Variants in FRMPD1 observed in about 807,000 individuals in gnomAD.
FRMPD1 encodes FERM and PDZ domain containing 1, also known as FERM and PDZ domain-containing protein 1.
FRMPD1 carries 76 observed loss-of-function variants against 117.8 expected under a neutral mutation model. The ratio of observed to expected loss-of-function variants is 0.65; its 90% CI spans 0.54 to 0.78. The LOEUF (loss-of-function observed/expected upper bound fraction) is 0.78, where lower values mean the gene tolerates loss of function less well. FRMPD1 is among the 30% of genes least tolerant of loss of function. The pLI is 0.00. For missense variants in FRMPD1, 1,786 were observed against 1,964.5 expected, an observed-to-expected ratio of 0.91 and a Z score of 1.72; for synonymous variants, 783 against 770.4, an observed-to-expected ratio of 1.02 and a Z score of -0.27.
Position 37,733,469 on chromosome 9 carries a change from GC to G in FRMPD1, c.996-3del. The G allele has an allele frequency of 6.2e-7, 1 of 1,612,644 alleles. No individual in the cohort carries two copies. The highest frequency in any genetic ancestry group is 8.5e-7 in the Non-Finnish European group (1 of 1,179,466). On this transcript the variant is annotated splice_polypyrimidine_tract_variant and splice_region_variant and intron_variant, in intron 10 of 15. Coordinates refer to ENST00000377765, the MANE Select transcript of FRMPD1 (RefSeq NM_014907.3). The stretch of plus-strand genomic sequence containing the variant: ...GCCTCCTTGTCTCCAATGTCTCATG[GC>G]AGGAAAGACTGGGGAATAGAGAACT...
At chr9:37,636,196 C>T in the FRMPD1 span, among the ~76,000 whole-genome samples, 5 of 152,262 alleles carry the variant, frequency 3.3e-5, no homozygotes, top group South Asian at 1.0e-3. Flanking sequence ...CCCCTGTGGC[C>T]TCCATGGCTG....
At chr9:37,611,895 A>G in the FRMPD1 span, among the ~76,000 whole-genome samples, 1 of 152,196 alleles carries the variant, frequency 6.6e-6, no homozygotes, top group East Asian at 1.9e-4. Context: ...AGATCTGGTT[A>G]TAATGACATT....
intron 2 of FRMPD1, among the ~76,000 whole-genome samples, chr9:37,700,266 A>G (rs1822485687): frequency 6.6e-6 from 1 of 152,194 alleles, no homozygotes; most frequent in African/African-American, 2.4e-5. Context: ...CTGTAGGAGC[A>G]CTACCCTCAC....
At chr9:37,701,471 TTG>T (rs200016680) in intron 2 of FRMPD1, among the ~76,000 whole-genome samples, 94 of 123,604 alleles carry the variant, frequency 7.6e-4, no homozygotes, top group South Asian at 1.0e-3. Flanking sequence ...GTTGGGGAAA[TTG>T]TGTGTGTGTG....
At chr9:37,610,272 C>T in the FRMPD1 span, among the ~76,000 whole-genome samples, 1 of 152,176 alleles carries the variant, frequency 6.6e-6, no homozygotes, top group Non-Finnish European at 1.5e-5. Flanking sequence ...AGTCATTGGG[C>T]TATCCATCAC....
chr9:37,717,381 A>ATATAT (rs1335593457), intron 5 of FRMPD1, among the ~76,000 whole-genome samples: 11,253 of 113,860 alleles, frequency 0.099, 778 homozygotes, highest in Non-Finnish European at 0.15. Flanking sequence ...ATATATATAT[A>ATATAT]TTTTTTTTTT....
At chr9:37,735,073 A>G (rs1338965603) in intron 12 of FRMPD1, among the ~76,000 whole-genome samples, 2 of 152,250 alleles carry the variant, frequency 1.3e-5, no homozygotes, top group East Asian at 3.8e-4. Context: ...ATGAGACTTA[A>G]TACAAATAAT....
intron 1 of FRMPD1, among the ~76,000 whole-genome samples, chr9:37,679,249 T>C (rs1353203739): frequency 6.6e-6 from 1 of 152,226 alleles, no homozygotes. Flanking sequence ...TGGGGAACTG[T>C]AGTTTGCTTA....
At chr9:37,674,382 A>G (rs1821453112) in intron 1 of FRMPD1, among the ~76,000 whole-genome samples, 1 of 152,234 alleles carries the variant, frequency 6.6e-6, no homozygotes, top group African/African-American at 2.4e-5. Flanking sequence ...TATTGCTATC[A>G]GCATTTCAGT....
intron 1 of FRMPD1, among the ~76,000 whole-genome samples, chr9:37,685,514 T>C (rs968444106): frequency 1.5e-4 from 23 of 151,102 alleles, no homozygotes; most frequent in East Asian, 3.9e-4. Flanking sequence ...TAGCCGGGCG[T>C]GGTGGCGGGC....
chr9:37,713,522 C>T (rs556082269), intron 5 of FRMPD1, among the ~76,000 whole-genome samples: 4 of 151,754 alleles, frequency 2.6e-5, no homozygotes, highest in Admixed American at 1.3e-4. Flanking sequence ...CCCAGGAAGT[C>T]GAGGCTGCAG....
chr9:37,676,186 T>G (rs1821523035), intron 1 of FRMPD1, among the ~76,000 whole-genome samples: 1 of 151,656 alleles, frequency 6.6e-6, no homozygotes, highest in South Asian at 2.1e-4. Context: ...AAAGGCTTTT[T>G]CTGGAATGTT....
At chr9:37,665,811 C>T (rs1355172247) in intron 1 of FRMPD1, among the ~76,000 whole-genome samples, 2 of 152,156 alleles carry the variant, frequency 1.3e-5, no homozygotes, top group African/African-American at 4.8e-5. Context: ...GAAACCACTC[C>T]TGCCTTATGG....
chr9:37,672,846 A>T (rs2117851166), intron 1 of FRMPD1, among the ~76,000 whole-genome samples: 1 of 152,294 alleles, frequency 6.6e-6, no homozygotes, highest in African/African-American at 2.4e-5. Flanking sequence ...AGACTTATTT[A>T]CTATCATGAG....
the FRMPD1 span, among the ~76,000 whole-genome samples, chr9:37,609,321 A>C: frequency 2.0e-5 from 3 of 151,798 alleles, no homozygotes; most frequent in African/African-American, 7.3e-5. Flanking sequence ...TCTCAAGTTT[A>C]AAATGTCTAA....
At chr9:37,639,878 C>G in the FRMPD1 span, among the ~76,000 whole-genome samples, 1 of 152,118 alleles carries the variant, frequency 6.6e-6, no homozygotes, top group South Asian at 2.1e-4. Context: ...CCAGGCTGGT[C>G]CTGGACTCCT....
upstream of FRMPD1, among the ~76,000 whole-genome samples, chr9:37,647,049 T>G (rs1009115654): frequency 6.6e-6 from 1 of 152,098 alleles, no homozygotes; most frequent in Non-Finnish European, 1.5e-5. Flanking sequence ...TATGGGCTAT[T>G]ACATGGTGTC....
At chr9:37,672,021 A>G (rs1303600096) in intron 1 of FRMPD1, among the ~76,000 whole-genome samples, 2 of 152,192 alleles carry the variant, frequency 1.3e-5, no homozygotes, top group African/African-American at 2.4e-5. Flanking sequence ...GGGGTAGGTT[A>G]GTTAGCCTAA....
At chr9:37,685,418 C>T (rs548066416) in intron 1 of FRMPD1, among the ~76,000 whole-genome samples, 102 of 151,736 alleles carry the variant, frequency 6.7e-4, no homozygotes, top group African/African-American at 1.5e-3. Flanking sequence ...CCAAGGCGGG[C>T]GGATCACAAA....
Sources: allele counts gnomAD v4.1 joint callset (sites outside exome capture counted in the v4.1 genomes callset), GRCh38; gene constraint gnomAD v4.1.1; transcripts MANE v1.5; gene names NCBI Gene and HGNC (gene_info 2026-07-23, HGNC 2026-07-21).